RBFOX1: variants seen among roughly 807,000 people sequenced by gnomAD.
RBFOX1 encodes RNA binding protein fox-1 homolog 1.
In RBFOX1, 8 loss-of-function variants were observed where a neutral mutation model predicts 57.7. That is an observed-to-expected ratio of 0.14 (90% confidence interval 0.08 to 0.25). The LOEUF is 0.25. RBFOX1 is among the 10% of genes least tolerant of loss of function. The pLI is 1.00. For synonymous variants in RBFOX1, 326 were observed against 222.4 expected (o/e 1.47, Z -4.15); for missense variants, 611 against 548.5 (o/e 1.11, Z -1.14).
intron 3 of RBFOX1, among the ~76,000 whole-genome samples, chr16:5,736,615 T>A (rs2052584318): frequency 6.6e-6 from 1 of 152,100 alleles, no homozygotes; most frequent in African/African-American, 2.4e-5. Flanking sequence ...GCTATTTAAA[T>A]TTTTCTTAAT....
intron 4 of RBFOX1, among the ~76,000 whole-genome samples, chr16:5,939,187 C>T (rs2059231224): frequency 6.6e-6 from 1 of 152,102 alleles, no homozygotes; most frequent in South Asian, 2.1e-4. Context: ...CATATGTAGA[C>T]ATGTAACAAA....
At chr16:7,535,888 G>A (rs1433339661) in intron 5 of RBFOX1, among the ~76,000 whole-genome samples, 1 of 152,170 alleles carries the variant, frequency 6.6e-6, no homozygotes, top group Non-Finnish European at 1.5e-5. Flanking sequence ...CTCAATAATT[G>A]TGTATTGTTC....
At chr16:6,897,913 C>G (rs546646753) in intron 3 of RBFOX1, among the ~76,000 whole-genome samples, 2 of 152,304 alleles carry the variant, frequency 1.3e-5, no homozygotes, top group African/African-American at 2.4e-5. Context: ...CTTTCTGTGT[C>G]TCAGACACGA....
chr16:7,468,638 G>T (rs1181331080), intron 4 of RBFOX1, among the ~76,000 whole-genome samples: 6 of 152,126 alleles, frequency 3.9e-5, no homozygotes, highest in Non-Finnish European at 4.4e-5. Context: ...GAACTTATGT[G>T]TTGGTGAAAA....
chr16:6,218,650 A>G (rs1189211605), intron 1 of RBFOX1, among the ~76,000 whole-genome samples: 1 of 152,154 alleles, frequency 6.6e-6, no homozygotes, highest in Non-Finnish European at 1.5e-5. Flanking sequence ...AGGAAAGCCC[A>G]GCTTTTGCTT....
In RBFOX1 at chr16:7,078,655, A is replaced by G. The variant is rs150773109; in HGVS notation, c.27+26557A>G. 4.5e-3 allele frequency among the ~76,000 whole-genome samples: 666 copies of G among 149,196 alleles called. 5 individuals are homozygous for G. Among genetic ancestry groups the G allele is most frequent in the Admixed American group, 0.01 (154 of 14,984 alleles). ...GAGCCACCACACCCAGCCCGACCCT[A>G]TTTTTTATTTTATCTTATTTTATTT... On this transcript the variant is annotated intron_variant, in intron 4 of 15. Transcript: ENST00000550418.
intron 3 of RBFOX1, among the ~76,000 whole-genome samples, chr16:6,674,092 G>C (rs1655593113): frequency 6.6e-6 from 1 of 152,140 alleles, no homozygotes. Context: ...GGTTCTAATA[G>C]AAACACCATT....
chr16:7,709,036 C>T lies in RBFOX1; in HGVS notation c.996-20C>T, dbSNP rs1341855382. 2 of 1,597,808 alleles carry T rather than the reference C, an allele frequency of 1.3e-6. No homozygotes were observed. The highest frequency in any genetic ancestry group is 1.7e-5 in the Admixed American group (1 of 59,966). On this transcript the variant is annotated intron_variant, in intron 14 of 15. Coordinates refer to ENST00000550418, the MANE Select transcript of RBFOX1 (RefSeq NM_018723.4). The stretch of plus-strand genomic sequence containing the variant: ...TAATTGCATACTGTGGATCAATCTT[C>T]ACCTCTATTTTCCTTTCAGTTACGG...
intron 2 of RBFOX1, among the ~76,000 whole-genome samples, chr16:5,539,055 G>T (rs2044821801): frequency 6.6e-6 from 1 of 152,114 alleles, no homozygotes; most frequent in Admixed American, 6.5e-5. Flanking sequence ...GTTGATTTTT[G>T]AAATGCTTCT....
chr16:7,351,325 G>A (rs888060603), intron 4 of RBFOX1, among the ~76,000 whole-genome samples: 1 of 152,252 alleles, frequency 6.6e-6, no homozygotes, highest in African/African-American at 2.4e-5. Flanking sequence ...ATTACGCATT[G>A]ACTGGTTAGT....
intron 1 of RBFOX1, among the ~76,000 whole-genome samples, chr16:6,055,801 T>G (rs1333821867): frequency 6.6e-6 from 1 of 151,968 alleles, no homozygotes; most frequent in East Asian, 1.9e-4. Flanking sequence ...AAATCTAATT[T>G]TAGTTTATTA....
At chr16:7,434,713 G>A (rs1269725492) in intron 4 of RBFOX1, among the ~76,000 whole-genome samples, 3 of 150,170 alleles carry the variant, frequency 2.0e-5, no homozygotes, top group African/African-American at 7.3e-5. Context: ...TCTACCCAGC[G>A]TCTAGTTTGC....
chr16:7,162,319 A>C (rs912686126), intron 4 of RBFOX1, among the ~76,000 whole-genome samples: 1 of 152,166 alleles, frequency 6.6e-6, no homozygotes, highest in Non-Finnish European at 1.5e-5. Context: ...ACACATATGT[A>C]TGTATATATC....
chr16:7,073,785 C>T (rs961091197), intron 4 of RBFOX1, among the ~76,000 whole-genome samples: 1 of 152,096 alleles, frequency 6.6e-6, no homozygotes, highest in Admixed American at 6.6e-5. Context: ...ATTGTTTGAG[C>T]CCAAGAGGTC....
At chr16:5,505,930 C>T (rs998230253) in intron 2 of RBFOX1, among the ~76,000 whole-genome samples, 2 of 152,132 alleles carry the variant, frequency 1.3e-5, no homozygotes, top group Non-Finnish European at 2.9e-5. Context: ...TGCTCAAAAT[C>T]TCTCTGCTAT....
At chr16:6,828,845 C>T (rs2092451078) in intron 3 of RBFOX1, among the ~76,000 whole-genome samples, 1 of 152,134 alleles carries the variant, frequency 6.6e-6, no homozygotes, top group Non-Finnish European at 1.5e-5. Context: ...CACCCTTTCC[C>T]AGGAATTTTC....
intron 14 of RBFOX1, chr16:7,693,196 G>A (rs778008744): frequency 2.9e-5 from 22 of 758,668 alleles, no homozygotes; most frequent in South Asian, 1.7e-4. Flanking sequence ...ACATTTCCTC[G>A]CAACATCCAT....
At chr16:6,790,689 G>A (rs927879403) in intron 3 of RBFOX1, among the ~76,000 whole-genome samples, 2 of 152,104 alleles carry the variant, frequency 1.3e-5, no homozygotes, top group Admixed American at 6.5e-5. Context: ...TGGTGGATGT[G>A]ATTTCAGTTC....
rs190187079 is a variant in RBFOX1, at chr16:6,684,732, C to T, written c.-16+30082C>T. Reference sequence around the variant, plus strand: ...TAAATTGTGCATGAGGGCCTAGCCCCCTGTCGTGAATGACCGTTAACTGGT... The same window carrying T: ...TAAATTGTGCATGAGGGCCTAGCCCTCTGTCGTGAATGACCGTTAACTGGT... On this transcript the variant is annotated intron_variant, in intron 3 of 15. Transcript: ENST00000550418. 9.9e-5 allele frequency among the ~76,000 whole-genome samples: 15 copies of T among 152,274 alleles called. No homozygotes were observed. In the East Asian group the frequency reaches 2.9e-3, roughly 29 times the overall value.
Sources: allele counts gnomAD v4.1 joint callset (sites outside exome capture counted in the v4.1 genomes callset), GRCh38; gene constraint gnomAD v4.1.1; transcripts MANE v1.5; gene names NCBI Gene and HGNC (gene_info 2026-07-23, HGNC 2026-07-21).